Variants in AFF3 observed in about 807,000 individuals in gnomAD.
AFF3 encodes the protein ALF transcription elongation factor 3.
Under a neutral mutation model 129.7 loss-of-function variants are expected in AFF3, and 32 were observed. The ratio of observed to expected loss-of-function variants is 0.25; its 90% CI spans 0.19 to 0.33. AFF3 has a LOEUF of 0.33. Among genes scored for constraint, AFF3 ranks in the 10% least tolerant of loss-of-function variants. AFF3 has a pLI of 1.00. For synonymous variants in AFF3, 644 were observed against 635.4 expected (o/e 1.01, Z -0.20); for missense variants, 1,373 against 1,592.0 (o/e 0.86, Z 2.34).
intron 11 of AFF3, among the ~76,000 whole-genome samples, chr2:99,712,524 C>T (rs1296382848): frequency 3.3e-5 from 5 of 152,216 alleles, no homozygotes; most frequent in Non-Finnish European, 7.3e-5. Context: ...AGAAGTTGGT[C>T]AGTAACCTCT....
chr2:100,014,979 T>C (rs1682887852), intron 4 of AFF3, among the ~76,000 whole-genome samples: 3 of 134,982 alleles, frequency 2.2e-5, no homozygotes, highest in South Asian at 2.4e-4. Context: ...TTTTTTTTTG[T>C]ATATTTAGTA....
intron 7 of AFF3, among the ~76,000 whole-genome samples, chr2:99,853,222 C>T (rs1251480880): frequency 2.0e-5 from 3 of 152,198 alleles, no homozygotes; most frequent in African/African-American, 7.2e-5. Flanking sequence ...GGCCCTACAG[C>T]AGGTTAAAAA....
intron 5 of AFF3, chr2:100,007,844 G>C (rs182644703): frequency 2.0e-5 from 4 of 202,306 alleles, no homozygotes; most frequent in Admixed American, 1.1e-4. Flanking sequence ...GTGTGGTGTC[G>C]GGCTGCTGTA....
At chr2:100,001,789 A>C (rs1210639183) in intron 7 of AFF3, among the ~76,000 whole-genome samples, 1 of 152,240 alleles carries the variant, frequency 6.6e-6, no homozygotes, top group Non-Finnish European at 1.5e-5. Context: ...ATATGGAAAT[A>C]TTTCCACTTG....
Position 100,073,848 on chromosome 2 carries a change from C to T in AFF3, c.53+30554G>A, listed in dbSNP as rs534866961. ...TAAGTTTAAAATTGTAAATAAGGAA[C>T]CTAATGTGCAAAATGCAACACTTTA... On this transcript the variant is annotated intron_variant, in intron 4 of 24. Transcript: ENST00000672756. Among the ~76,000 whole-genome samples the T allele has an allele frequency of 2.5e-4, 38 of 152,214 alleles. No individual in the cohort carries two copies. In the South Asian group the frequency reaches 4.8e-3, roughly 19 times the overall value.
intron 8 of AFF3, among the ~76,000 whole-genome samples, chr2:99,768,292 T>A (rs1575921730): frequency 6.6e-6 from 1 of 152,278 alleles, no homozygotes; most frequent in South Asian, 2.1e-4. Context: ...TCCTAACACC[T>A]GCAGATAATG....
At chr2:99,926,217 A>C (rs1017379549) in intron 7 of AFF3, among the ~76,000 whole-genome samples, 2 of 152,224 alleles carry the variant, frequency 1.3e-5, no homozygotes, top group Admixed American at 6.5e-5. Context: ...AAAGCGAGAG[A>C]GCTAGTGAGA....
At chr2:99,742,795 A>G (rs2105129458) in intron 10 of AFF3, among the ~76,000 whole-genome samples, 1 of 152,368 alleles carries the variant, frequency 6.6e-6, no homozygotes, top group East Asian at 1.9e-4. Context: ...TATTGTAAAG[A>G]TTAAGTGAAA....
chr2:99,913,417 G>A (rs1449859167), intron 7 of AFF3, among the ~76,000 whole-genome samples: 6 of 152,214 alleles, frequency 3.9e-5, no homozygotes, highest in African/African-American at 1.4e-4. Flanking sequence ...AATTGGAGAT[G>A]TCAATATGAA....
At chr2:100,061,862 G>A (rs969608817) in intron 4 of AFF3, among the ~76,000 whole-genome samples, 6 of 151,246 alleles carry the variant, frequency 4.0e-5, no homozygotes, top group African/African-American at 7.3e-5. Context: ...AGTGGAGGGG[G>A]GGGGGGTGCC....
chr2:100,135,669 C>T (rs1401560848), intron 1 of AFF3, among the ~76,000 whole-genome samples: 1 of 152,110 alleles, frequency 6.6e-6, no homozygotes, highest in African/African-American at 2.4e-5. Context: ...TTTTGAGCCA[C>T]CATGGTTTAG....
chr2:100,045,368 A>G (rs2309749), intron 4 of AFF3, among the ~76,000 whole-genome samples: 9,343 of 152,212 alleles, frequency 0.061, 967 homozygotes, highest in African/African-American at 0.22. Flanking sequence ...ACTGCAGACT[A>G]ATGTACTTCT....
chr2:99,550,746 A>G lies in AFF3; in HGVS notation c.*728T>C, dbSNP rs1223118776. 19 of 233,162 alleles carry G rather than the reference A, an allele frequency of 8.1e-5. No individual in the cohort carries two copies. The highest frequency in any genetic ancestry group is 2.2e-4 in the Admixed American group (4 of 17,780). The allele number at this position is 233,162 out of a possible 1,614,324, so 14.4% of individuals were successfully genotyped here. ...TGCTAAATCTCAGTGCCATTTGCAT[A>G]CTACTTGGAGGTGGGGCTGGGAAGG... is the stretch of plus-strand genomic sequence containing the variant. On this transcript the variant is annotated 3_prime_UTR_variant, in exon 25 of 25. Coordinates refer to ENST00000672756, the MANE Select transcript of AFF3 (RefSeq NM_001386135.1).
chr2:99,903,164 T>A (rs1322367424), intron 7 of AFF3, among the ~76,000 whole-genome samples: 2 of 152,164 alleles, frequency 1.3e-5, no homozygotes, highest in Non-Finnish European at 2.9e-5. Context: ...GCTACCAGTA[T>A]AAGACACTAC....
At chr2:99,764,188 T>C (rs538279852) in intron 8 of AFF3, among the ~76,000 whole-genome samples, 60 of 152,326 alleles carry the variant, frequency 3.9e-4, no homozygotes, top group African/African-American at 1.4e-3. Context: ...ACAGGGCATC[T>C]GGCCTTTCAT....
intron 12 of AFF3, among the ~76,000 whole-genome samples, chr2:99,671,475 T>G (rs116023073): frequency 0.023 from 3,431 of 152,282 alleles, 61 homozygotes; most frequent in Non-Finnish European, 0.038. Context: ...ATGAGTAACC[T>G]CTTCTGTGAC....
chr2:99,946,187 A>G (rs886226303), intron 7 of AFF3, among the ~76,000 whole-genome samples: 1 of 152,078 alleles, frequency 6.6e-6, no homozygotes, highest in African/African-American at 2.4e-5. Context: ...AAAGATGGGG[A>G]TGGGACAGGG....
At chr2:99,563,608 C>T in intron 20 of AFF3, among the ~76,000 whole-genome samples, 1 of 151,276 alleles carries the variant, frequency 6.6e-6, no homozygotes, top group East Asian at 2.0e-4. Context: ...GTCAGGAGTT[C>T]AAGACCATCC....
chr2:99,779,938 TAC>T lies in AFF3; in HGVS notation c.922-27639_922-27638del, dbSNP rs370114548. 4.2e-3 allele frequency among the ~76,000 whole-genome samples: 642 copies of T among 152,320 alleles called. 8 individuals are homozygous for T. Among genetic ancestry groups the T allele is most frequent in the African/African-American group, 0.015 (613 of 41,564 alleles). On this transcript the variant is annotated intron_variant, in intron 8 of 24. Coordinates refer to ENST00000672756, the MANE Select transcript of AFF3 (RefSeq NM_001386135.1). The stretch of plus-strand genomic sequence containing the variant: ...ATAGTCACATGCACGGAGAGAGTGT[TAC>T]AGTTATACTGAAAAGATAGCCGCAC...
Sources: allele counts gnomAD v4.1 joint callset (sites outside exome capture counted in the v4.1 genomes callset), GRCh38; gene constraint gnomAD v4.1.1; transcripts MANE v1.5; gene names NCBI Gene and HGNC (gene_info 2026-07-23, HGNC 2026-07-21).